The following AVL9 variants were observed in gnomAD, a reference collection of about 807,000 sequenced individuals.
The protein encoded by AVL9 is late secretory pathway protein AVL9 homolog.
AVL9 carries 49 observed loss-of-function variants against 79.2 expected under a neutral mutation model. The observed-to-expected ratio is 0.62, with a 90% CI of 0.49 to 0.79. AVL9 has a LOEUF of 0.79. Among genes scored for constraint, AVL9 ranks in the 30% least tolerant of loss-of-function variants. The pLI is 0.00. For missense variants in AVL9, 682 were observed against 776.8 expected (o/e 0.88, Z 1.45); for synonymous variants, 299 against 280.6 (o/e 1.07, Z -0.65).
At chr7:32,536,298 C>T (rs1278286827) in intron 1 of AVL9, 1 of 152,154 alleles carries the variant, frequency 6.6e-6, no homozygotes, top group Non-Finnish European at 1.5e-5. Context: ...ATCATCACTT[C>T]TGTGGTGCTG....
intron 1 of AVL9, among the ~76,000 whole-genome samples, chr7:32,523,082 G>C (rs1788232099): frequency 7.1e-6 from 1 of 139,898 alleles, no homozygotes; most frequent in Non-Finnish European, 1.5e-5. Context: ...TTTGAATACA[G>C]AAGCCTAATC....
At chr7:32,538,696 A>G (rs1583540065) in intron 1 of AVL9, 1 of 152,108 alleles carries the variant, frequency 6.6e-6, no homozygotes, top group African/African-American at 2.4e-5. Flanking sequence ...TGTTTTTTAA[A>G]TCCATTTACA....
intron 3 of AVL9, among the ~76,000 whole-genome samples, chr7:32,548,156 T>TTTTCTTTTTTTTTTTTTG (rs1554340944): frequency 6.2e-5 from 2 of 32,438 alleles, no homozygotes; most frequent in African/African-American, 1.2e-4. Flanking sequence ...TTTTTCTTTT[T>TTTTCTTTTTTTTTTTTTG]TTTTTTTTTG....
intron 3 of AVL9, among the ~76,000 whole-genome samples, chr7:32,545,973 G>A (rs1789479996): frequency 6.6e-6 from 1 of 151,818 alleles, no homozygotes; most frequent in African/African-American, 2.4e-5. Flanking sequence ...TGGGAGGTGG[G>A]AATGTTTTAA....
chr7:32,585,040 G>A lies in AVL9; in HGVS notation c.*1133G>A, dbSNP rs1047098295. 1.3e-5 allele frequency: 2 copies of A among 152,292 alleles called. No homozygotes were observed. The highest frequency in any genetic ancestry group is 4.8e-5 in the African/African-American group (2 of 41,452). The allele number at this position is 152,292 out of a possible 1,614,324, so 9.4% of individuals were successfully genotyped here. A position where few individuals can be genotyped will look rare whatever the true frequency, so the allele number is the denominator to read the frequency against. ...CCGCCTCAGCCTCTCAAAGTGCTGG[G>A]ACTACAGGCATGAGCCACTGCGCCT... On this transcript the variant is annotated 3_prime_UTR_variant, in exon 16 of 16. Transcript: ENST00000318709.
At chr7:32,514,671 T>A (rs1787832970) in intron 1 of AVL9, among the ~76,000 whole-genome samples, 1 of 152,206 alleles carries the variant, frequency 6.6e-6, no homozygotes, top group South Asian at 2.1e-4. Context: ...TGACATTACC[T>A]TGTGAAAGTC....
At chr7:32,522,465 G>A (rs758347852) in intron 1 of AVL9, among the ~76,000 whole-genome samples, 18 of 152,104 alleles carry the variant, frequency 1.2e-4, no homozygotes, top group Non-Finnish European at 2.2e-4. Context: ...CATGGGACCC[G>A]TAACCCCATT....
At chr7:32,521,770 T>C (rs933009395) in intron 1 of AVL9, among the ~76,000 whole-genome samples, 7 of 152,154 alleles carry the variant, frequency 4.6e-5, no homozygotes, top group Non-Finnish European at 1.0e-4. Flanking sequence ...GTCAGAGACC[T>C]TCACCACAGC....
intron 1 of AVL9, among the ~76,000 whole-genome samples, chr7:32,541,332 T>C (rs1477448925): frequency 7.0e-6 from 1 of 142,062 alleles, no homozygotes; most frequent in Non-Finnish European, 1.6e-5. Context: ...TCATACAAAA[T>C]TCATTTTAAA....
intron 3 of AVL9, among the ~76,000 whole-genome samples, chr7:32,545,669 A>G (rs1435676394): frequency 6.6e-6 from 1 of 152,062 alleles, no homozygotes; most frequent in Admixed American, 6.6e-5. Context: ...TTATTCTTAA[A>G]CTACCTGCTA....
At position 32,573,388 on chromosome 7, in the gene AVL9, C is replaced by T. The variant is rs1403429002; in HGVS notation, c.1540C>T (p.His514Tyr). Reference sequence around the variant, plus strand: ...CCGGGCCCAGTTTGCGGTCTACATTCATGCCCTGCTGGCTGCCACACTGCA... The same window carrying T: ...CCGGGCCCAGTTTGCGGTCTACATTTATGCCCTGCTGGCTGCCACACTGCA... ...WIRAQFAVYI[H>Y]ALLAATLQLD... The change falls in exon 12 of 16, where the codon CAT becomes TAT. Residue 514 changes from histidine (H) to tyrosine (Y), a missense_variant. By Grantham distance (83) the His-to-Tyr change is moderately conservative. Coordinates refer to ENST00000318709, the MANE Select transcript of AVL9 (RefSeq NM_015060.3). 3 of 1,613,726 alleles carry T rather than the reference C, an allele frequency of 1.9e-6. No homozygotes were observed. Among genetic ancestry groups the T allele is most frequent in the East Asian group, 2.2e-5 (1 of 44,878 alleles).
At chr7:32,537,744 G>A (rs561542973) in intron 1 of AVL9, 1 of 152,188 alleles carries the variant, frequency 6.6e-6, no homozygotes, top group Non-Finnish European at 1.5e-5. Context: ...AATTACAGGT[G>A]TGAGCCACTG....
At chr7:32,503,572 A>AC (rs1232318636) in intron 1 of AVL9, among the ~76,000 whole-genome samples, 2 of 150,044 alleles carry the variant, frequency 1.3e-5, no homozygotes, top group African/African-American at 4.9e-5. Context: ...AAAAAAAAAA[A>AC]AAAACTAGAT....
intron 7 of AVL9, among the ~76,000 whole-genome samples, chr7:32,554,115 G>C (rs1193550655): frequency 6.6e-6 from 1 of 152,136 alleles, no homozygotes; most frequent in East Asian, 1.9e-4. Context: ...CCTGAGAATG[G>C]AGCATTTTTC....
At chr7:32,513,316 G>A (rs990603067) in intron 1 of AVL9, among the ~76,000 whole-genome samples, 2 of 152,108 alleles carry the variant, frequency 1.3e-5, no homozygotes, top group African/African-American at 4.8e-5. Flanking sequence ...GCCAGGTGGG[G>A]GTTGAACTTG....
At chr7:32,559,557 C>A in intron 10 of AVL9, 93 bp downstream of exon 10, 1 of 1,349,138 alleles carries the variant, frequency 7.4e-7, no homozygotes, top group Non-Finnish European at 9.8e-7. Context: ...AACACATTTT[C>A]AGGTGGAAAA....
At position 32,525,712 on chromosome 7, in the gene AVL9, T is replaced by C. The variant is rs1788374012; in HGVS notation, c.94-17429T>C. ...TGCCCTAATGGAATAGGTTTATTTT[T>C]CTGCCCTGACACACAAATAATCTTT... On this transcript the variant is annotated intron_variant, in intron 1 of 15. Transcript: ENST00000318709. 5.3e-5 allele frequency among the ~76,000 whole-genome samples: 8 copies of C among 152,206 alleles called. 1 individual carries two copies. Among genetic ancestry groups the C allele is most frequent in the Admixed American group, 5.2e-4 (8 of 15,278 alleles).
In AVL9 at chr7:32,548,804, T is replaced by A. The variant is rs139248598; in HGVS notation, c.301-43T>A. 7.0e-4 allele frequency: 917 copies of A among 1,308,948 alleles called. 2 individuals are homozygous for A. In the African/African-American group the frequency reaches 0.013, roughly 18 times the overall value. The allele number at this position is 1,308,948 out of a possible 1,614,324, so 81.1% of individuals were successfully genotyped here. A position where few individuals can be genotyped will look rare whatever the true frequency, so the allele number is the denominator to read the frequency against. On this transcript the variant is annotated intron_variant, in intron 3 of 15. Coordinates refer to ENST00000318709, the MANE Select transcript of AVL9 (RefSeq NM_015060.3). ...TGTTGAAAAAATATTTTTGAAATAT[T>A]GCTATGAAATATTTCTGATAAATTG...
In AVL9 at chr7:32,580,264, G is replaced by T; in HGVS notation, c.1734G>T (p.Arg578Ser). 6.2e-7 allele frequency: 1 copy of T among 1,610,586 alleles called. No individual in the cohort carries two copies. Among genetic ancestry groups the T allele is most frequent in the African/African-American group, 1.3e-5 (1 of 74,756 alleles). Reference sequence around the variant, plus strand: ...ACTCAGTATCAGACATGAAGTTAAGGTTCTCACAGTAAGTACTTAGAGAAA... The same window carrying T: ...ACTCAGTATCAGACATGAAGTTAAGTTTCTCACAGTAAGTACTTAGAGAAA... ...GQYSVSDMKL[R>S]FSHSVQNSER... is the part of the protein sequence containing the mutation. The change falls in exon 14 of 16, where the codon AGG becomes AGT. Residue 578 changes from arginine to serine, a missense_variant. Coordinates refer to ENST00000318709, the MANE Select transcript of AVL9 (RefSeq NM_015060.3).
Sources: allele counts gnomAD v4.1 joint callset (sites outside exome capture counted in the v4.1 genomes callset), GRCh38; gene constraint gnomAD v4.1.1; transcripts MANE v1.5; gene names NCBI Gene and HGNC (gene_info 2026-07-23, HGNC 2026-07-21).